LRRCC1: variants seen among roughly 807,000 people sequenced by gnomAD.
LRRCC1 encodes leucine-rich repeat and coiled-coil domain-containing protein 1.
LRRCC1 carries 115 observed loss-of-function variants against 126.0 expected under a neutral mutation model. The observed-to-expected ratio is 0.91, with a 90% CI of 0.78 to 1.07. The LOEUF is 1.07. Among genes scored for constraint, LRRCC1 ranks in the 50% least tolerant of loss-of-function variants. The pLI, the probability that LRRCC1 is intolerant of heterozygous loss-of-function variation, is 0.00. For missense variants in LRRCC1, 1,172 were observed against 1,175.7 expected, an observed-to-expected ratio of 1.00 and a Z score of 0.05; for synonymous variants, 400 against 393.4, an observed-to-expected ratio of 1.02 and a Z score of -0.20.
chr8:85,136,607 T>G (rs976048976), intron 14 of LRRCC1, among the ~76,000 whole-genome samples: 2 of 152,180 alleles, frequency 1.3e-5, no homozygotes, highest in African/African-American at 4.8e-5. Context: ...TTTTAAGTTA[T>G]TTGTACAGTA....
At chr8:85,139,195 T>C (rs908434263) in intron 17 of LRRCC1, among the ~76,000 whole-genome samples, 8 of 152,336 alleles carry the variant, frequency 5.3e-5, no homozygotes, top group Admixed American at 5.2e-4. Context: ...CCAGGGTCAA[T>C]GAGCTCCTGA....
At chr8:85,119,305 A>G (rs1029069762) in intron 6 of LRRCC1, among the ~76,000 whole-genome samples, 1 of 152,108 alleles carries the variant, frequency 6.6e-6, no homozygotes, top group African/African-American at 2.4e-5. Context: ...CATTACTGAT[A>G]TTGGCAATCT....
At chr8:85,136,652 AT>A (rs545319575) in intron 14 of LRRCC1, among the ~76,000 whole-genome samples, 1 of 152,204 alleles carries the variant, frequency 6.6e-6, no homozygotes, top group South Asian at 2.1e-4. Flanking sequence ...TATATGCAAC[AT>A]TTATTGTGCA....
At chr8:85,110,963 A>G (rs1167391389) in intron 3 of LRRCC1, among the ~76,000 whole-genome samples, 53 of 152,332 alleles carry the variant, frequency 3.5e-4, no homozygotes, top group Non-Finnish European at 1.0e-4. Flanking sequence ...ACACTACCCT[A>G]TGCCAGTTGC....
intron 8 of LRRCC1, among the ~76,000 whole-genome samples, chr8:85,125,503 C>G (rs983459697): frequency 1.3e-5 from 2 of 149,714 alleles, no homozygotes; most frequent in Admixed American, 6.7e-5. Flanking sequence ...GAAACCCCGT[C>G]TCTACTAAAA....
intron 17 of LRRCC1, among the ~76,000 whole-genome samples, chr8:85,138,916 A>T (rs181953389): frequency 1.3e-5 from 2 of 152,064 alleles, no homozygotes; most frequent in Admixed American, 1.3e-4. Context: ...CGTGGTGGCA[A>T]GCGCCTGTAA....
At chr8:85,128,930 C>A (rs1810222604) in intron 9 of LRRCC1, among the ~76,000 whole-genome samples, 1 of 151,840 alleles carries the variant, frequency 6.6e-6, no homozygotes, top group South Asian at 2.1e-4. Context: ...CCTCTGTATC[C>A]CAAAACTGTT....
intron 4 of LRRCC1, among the ~76,000 whole-genome samples, chr8:85,113,991 A>G (rs1808918462): frequency 6.6e-6 from 1 of 152,110 alleles, no homozygotes; most frequent in African/African-American, 2.4e-5. Context: ...TTCATATGCA[A>G]CTATAAGAAG....
Position 85,115,085 on chromosome 8 carries a change from T to C in LRRCC1, c.545-15T>C. 1 of 1,524,982 alleles carries C rather than the reference T, an allele frequency of 6.6e-7. No individual in the cohort carries two copies. Among genetic ancestry groups the C allele is most frequent in the Non-Finnish European group, 8.8e-7 (1 of 1,137,014 alleles). The allele number at this position is 1,524,982 out of a possible 1,614,324, so 94.5% of individuals were successfully genotyped here. A position where few individuals can be genotyped will look rare whatever the true frequency, so the allele number is the denominator to read the frequency against. ...TTAATATTTCAGTTTTCATTTTGAA[T>C]GATTTGTTTCCAAGGGTACAGAGCA... On this transcript the variant is annotated splice_polypyrimidine_tract_variant and intron_variant, in intron 4 of 18. Coordinates refer to ENST00000360375, the MANE Select transcript of LRRCC1 (RefSeq NM_033402.5).
chr8:85,112,360 G>T (rs920338310), intron 3 of LRRCC1, among the ~76,000 whole-genome samples: 1 of 152,206 alleles, frequency 6.6e-6, no homozygotes, highest in Non-Finnish European at 1.5e-5. Flanking sequence ...GGCAGGAAGA[G>T]AAGCTGTAAG....
At chr8:85,128,366 T>C (rs77190247) in intron 9 of LRRCC1, among the ~76,000 whole-genome samples, 3,598 of 152,166 alleles carry the variant, frequency 0.024, 132 homozygotes, top group African/African-American at 0.082. Flanking sequence ...AAGTTATGTA[T>C]TCATTTTTCT....
intron 17 of LRRCC1, among the ~76,000 whole-genome samples, chr8:85,139,336 C>T (rs1183940403): frequency 6.6e-6 from 1 of 152,110 alleles, no homozygotes. Flanking sequence ...ACGATCTGGG[C>T]TCACTGCAAC....
chr8:85,141,720 A>G (rs1025112619), intron 18 of LRRCC1, among the ~76,000 whole-genome samples: 4 of 152,216 alleles, frequency 2.6e-5, no homozygotes, highest in African/African-American at 9.6e-5. Context: ...TCTAATTTCT[A>G]AGCAAAACTT....
intron 1 of LRRCC1, 67 bp downstream of exon 1, chr8:85,107,466 C>T (rs969792343): frequency 2.9e-6 from 4 of 1,369,050 alleles, no homozygotes; most frequent in East Asian, 2.4e-5. Flanking sequence ...GAGTGGCTGG[C>T]GGCGACACCA....
intron 6 of LRRCC1, among the ~76,000 whole-genome samples, 198 bp downstream of exon 6, chr8:85,115,782 TTTAC>T (rs199983868): frequency 0.016 from 2,468 of 152,332 alleles, 36 homozygotes; most frequent in East Asian, 0.06. Context: ...TTTCACTCAC[TTTAC>T]TTGTCTTCCT....
In LRRCC1 at chr8:85,130,078, G is replaced by C. The variant is rs781323299; in HGVS notation, c.1766+20G>C. The stretch of plus-strand genomic sequence containing the variant: ...ACACAGGTAAATGAAAAATGTATCA[G>C]GAATGTATTGGCATTTAAAAAAAGA... On this transcript the variant is annotated intron_variant, in intron 11 of 18. Transcript: ENST00000360375. 6.6e-7 allele frequency: 1 copy of C among 1,526,104 alleles called. No individual in the cohort carries two copies. Among genetic ancestry groups the C allele is most frequent in the Non-Finnish European group, 8.7e-7 (1 of 1,143,028 alleles). 94.5% of individuals were successfully genotyped at this position (1,526,104 alleles called of 1,614,324 possible).
intron 18 of LRRCC1, among the ~76,000 whole-genome samples, chr8:85,143,093 G>A (rs1298480083): frequency 6.6e-6 from 1 of 152,162 alleles, no homozygotes; most frequent in African/African-American, 2.4e-5. Flanking sequence ...GGGAGGCTGA[G>A]GCGGCTGGAT....
intron 17 of LRRCC1, among the ~76,000 whole-genome samples, chr8:85,139,281 C>T (rs1217396463): frequency 6.6e-6 from 1 of 151,802 alleles, no homozygotes; most frequent in Non-Finnish European, 1.5e-5. Flanking sequence ...TTTGTTTTTC[C>T]GAGACTGAGT....
chr8:85,145,547 C>T lies in LRRCC1; in HGVS notation c.*36C>T. On this transcript the variant is annotated 3_prime_UTR_variant, in exon 19 of 19. Coordinates refer to ENST00000360375, the MANE Select transcript of LRRCC1 (RefSeq NM_033402.5). Reference sequence around the variant, plus strand: ...AATGAATTTAATTGAAATAGACCAGCAGACCTATTGTAAAAATGATTAAAT... The same window carrying T: ...AATGAATTTAATTGAAATAGACCAGTAGACCTATTGTAAAAATGATTAAAT... 6.5e-7 allele frequency: 1 copy of T among 1,528,350 alleles called. No individual in the cohort carries two copies. Among genetic ancestry groups the T allele is most frequent in the Non-Finnish European group, 8.7e-7 (1 of 1,142,860 alleles). The allele number at this position is 1,528,350 out of a possible 1,614,324, so 94.7% of individuals were successfully genotyped here.
Sources: gnomAD v4.1 joint callset for allele counts (sites outside exome capture counted in the v4.1 genomes callset) on GRCh38, gnomAD v4.1.1 for gene constraint, MANE v1.5 for transcripts, NCBI Gene and HGNC (gene_info 2026-07-23, HGNC 2026-07-21) for gene names.